The following ANK3 variants were observed in gnomAD, a reference collection of about 807,000 sequenced individuals.
The protein encoded by ANK3 is ankyrin-3.
ANK3 carries 57 observed loss-of-function variants against 370.9 expected under a neutral mutation model. The observed-to-expected ratio is 0.15, with a 90% CI of 0.12 to 0.19. ANK3 has a LOEUF of 0.19. Among genes scored for constraint, ANK3 ranks in the 10% least tolerant of loss-of-function variants. ANK3 has a pLI of 1.00. For synonymous variants in ANK3, 1,929 were observed against 1,946.3 expected (o/e 0.99, Z 0.23); for missense variants, 4,439 against 5,302.1 (o/e 0.84, Z 5.06).
Position 60,080,124 on chromosome 10 carries a change from C to T in ANK3, c.4432+413G>A, listed in dbSNP as rs140311106. On this transcript the variant is annotated intron_variant, in intron 36 of 43. Coordinates refer to ENST00000280772, the MANE Select transcript of ANK3 (RefSeq NM_020987.5). Reference sequence around the variant, plus strand: ...AAGAATCGGGACTAGGATATGACAACCTATCTATACTGAGAAAAATGAGAT... The same window carrying T: ...AAGAATCGGGACTAGGATATGACAATCTATCTATACTGAGAAAAATGAGAT... 3.0e-4 allele frequency among the ~76,000 whole-genome samples: 46 copies of T among 152,160 alleles called. No homozygotes were observed. The Middle Eastern group carries it at 0.01, about 34-fold the overall frequency.
At chr10:60,144,993 C>T (rs2094747894) in intron 23 of ANK3, among the ~76,000 whole-genome samples, 2 of 152,190 alleles carry the variant, frequency 1.3e-5, no homozygotes, top group Admixed American at 1.3e-4. Context: ...CTTCTAATCT[C>T]TTTCCACCTT....
At chr10:60,183,561 T>A (rs2096253168) in intron 17 of ANK3, among the ~76,000 whole-genome samples, 1 of 152,180 alleles carries the variant, frequency 6.6e-6, no homozygotes, top group African/African-American at 2.4e-5. Context: ...TTGCTCATTT[T>A]AAAAATAGCA....
chr10:60,263,786 G>A (rs2132648835), intron 6 of ANK3, 49 bp downstream of exon 6: 1 of 1,607,450 alleles, frequency 6.2e-7, no homozygotes, highest in South Asian at 1.1e-5. Context: ...AAGGTTGTGT[G>A]TCTAACACCG....
chr10:60,672,650 A>T (rs2079076364), intron 1 of ANK3, among the ~76,000 whole-genome samples: 1 of 152,204 alleles, frequency 6.6e-6, no homozygotes, highest in South Asian at 2.1e-4. Context: ...ATAATAAACC[A>T]GTAGATGTGT....
At chr10:60,625,920 G>T (rs2078403956) in intron 1 of ANK3, among the ~76,000 whole-genome samples, 1 of 152,106 alleles carries the variant, frequency 6.6e-6, no homozygotes, top group African/African-American at 2.4e-5. Context: ...AATGCTGAAT[G>T]AATAAATAAA....
chr10:60,173,583 C>T, intron 18 of ANK3, among the ~76,000 whole-genome samples: 1 of 152,064 alleles, frequency 6.6e-6, no homozygotes, highest in East Asian at 1.9e-4. Context: ...TAAATCTAGG[C>T]AAAAATGAAG....
intron 1 of ANK3, among the ~76,000 whole-genome samples, chr10:60,714,007 A>G (rs1265130642): frequency 6.6e-6 from 1 of 152,150 alleles, no homozygotes; most frequent in African/African-American, 2.4e-5. Flanking sequence ...GCTAACCCAG[A>G]AAAAGAAAAG....
At chr10:60,467,066 G>A (rs984272652) in intron 2 of ANK3, among the ~76,000 whole-genome samples, 1 of 152,038 alleles carries the variant, frequency 6.6e-6, no homozygotes, top group Non-Finnish European at 1.5e-5. Context: ...TGAGTCAAAT[G>A]TATGGTATGT....
chr10:60,577,238 C>T lies in ANK3; in HGVS notation c.96+37948G>A, dbSNP rs2077694641. 3.3e-5 allele frequency among the ~76,000 whole-genome samples: 5 copies of T among 152,274 alleles called. No individual in the cohort carries two copies. The South Asian group carries it at 1.0e-3, about 32-fold the overall frequency. ...GGTCTTGTAGTTAGTTCCACCACAT[C>T]CACCAGTACTCTTTCATTCTCCTGC... On this transcript the variant is annotated intron_variant, in intron 2 of 43. Coordinates refer to the ANK3 transcript ENST00000373827.
chr10:60,036,368 G>A (rs1162448140), intron 43 of ANK3, among the ~76,000 whole-genome samples: 2 of 147,812 alleles, frequency 1.4e-5, no homozygotes, highest in African/African-American at 5.0e-5. Context: ...CTTATTGAGT[G>A]CTTACTAAGG....
rs138801251 is a variant in ANK3, at chr10:60,219,049, C to T, written c.898-5539G>A. 6.8e-3 allele frequency among the ~76,000 whole-genome samples: 1,035 copies of T among 151,582 alleles called. 17 individuals carry two copies. The highest frequency in any genetic ancestry group is 0.023 in the African/African-American group (963 of 41,346). On this transcript the variant is annotated intron_variant, in intron 8 of 43. Coordinates refer to ENST00000280772, the MANE Select transcript of ANK3 (RefSeq NM_020987.5). ...AAGGTAGTCTTCAAATTCTGATATC[C>T]TTTCTTCTGCTTGGTTGATTTAGCT...
intron 16 of ANK3, among the ~76,000 whole-genome samples, chr10:60,191,653 A>C (rs1273071797): frequency 6.6e-6 from 1 of 152,218 alleles, no homozygotes; most frequent in South Asian, 2.1e-4. Context: ...ATAACCTTTA[A>C]GGACAATTGT....
At chr10:60,366,147 G>A (rs893366192) in intron 1 of ANK3, among the ~76,000 whole-genome samples, 1 of 151,864 alleles carries the variant, frequency 6.6e-6, no homozygotes, top group Non-Finnish European at 1.5e-5. Context: ...AGACCAGCCT[G>A]GTCAACATGG....
chr10:60,216,213 CAG>C (rs2096934613), intron 8 of ANK3, among the ~76,000 whole-genome samples: 1 of 152,136 alleles, frequency 6.6e-6, no homozygotes, highest in Non-Finnish European at 1.5e-5. Flanking sequence ...CATCTGCAAA[CAG>C]AGATAATTTG....
chr10:60,216,629 T>C (rs1228223240), intron 8 of ANK3, among the ~76,000 whole-genome samples: 6 of 152,160 alleles, frequency 3.9e-5, no homozygotes, highest in Non-Finnish European at 8.8e-5. Flanking sequence ...TTACTCGTGG[T>C]AGGTAAGTTT....
rs2079034617 is a variant in ANK3 at position 60,055,650 on chromosome 10, T to G, written c.13065+8A>C. On this transcript the variant is annotated splice_region_variant and intron_variant, in intron 42 of 43. Coordinates refer to ENST00000280772, the MANE Select transcript of ANK3 (RefSeq NM_020987.5). ...CAATGACTGCTACCGGATGACCAGA[T>G]GACGTACCTTTTGCTCAGACCCACT... 1 of 1,595,616 alleles carries G rather than the reference T, an allele frequency of 6.3e-7. No homozygotes were observed. Among genetic ancestry groups the G allele is most frequent in the Non-Finnish European group, 8.5e-7 (1 of 1,173,286 alleles).
intron 4 of ANK3, among the ~76,000 whole-genome samples, chr10:60,275,609 T>A (rs1017716898): frequency 3.9e-5 from 6 of 152,156 alleles, no homozygotes; most frequent in Admixed American, 2.0e-4. Flanking sequence ...AGGCTCAATC[T>A]GAACCATAAC....
intron 4 of ANK3, among the ~76,000 whole-genome samples, chr10:60,276,763 T>C (rs1390899433): frequency 6.6e-6 from 1 of 150,862 alleles, no homozygotes; most frequent in Non-Finnish European, 1.5e-5. Context: ...GGAGGTTGAT[T>C]AGGTTGATTT....
intron 1 of ANK3, among the ~76,000 whole-genome samples, chr10:60,355,952 T>A (rs1477833901): frequency 6.6e-6 from 1 of 152,116 alleles, no homozygotes; most frequent in Non-Finnish European, 1.5e-5. Context: ...TATTTCGGAG[T>A]GTTTTTCAGG....
Sources: gnomAD v4.1 joint callset for allele counts (sites outside exome capture counted in the v4.1 genomes callset) on GRCh38, gnomAD v4.1.1 for gene constraint, MANE v1.5 for transcripts, NCBI Gene and HGNC (gene_info 2026-07-23, HGNC 2026-07-21) for gene names.